The following RMDN2 variants were observed in gnomAD, a reference collection of about 807,000 sequenced individuals.
The protein encoded by RMDN2 is regulator of microtubule dynamics protein 2.
RMDN2 carries 61 observed loss-of-function variants against 52.8 expected under a neutral mutation model. The ratio of observed to expected loss-of-function variants is 1.16; its 90% CI spans 0.94 to 1.43. The LOEUF is 1.43. Among genes scored for constraint, RMDN2 ranks in the 40% most tolerant of loss-of-function variants. The probability of loss-of-function intolerance (pLI) is 0.00; values close to 1 mark genes in which losing one functional copy is unlikely to be tolerated. For missense variants in RMDN2, 592 were observed against 475.3 expected, an observed-to-expected ratio of 1.25 and a Z score of -2.28; for synonymous variants, 180 against 153.1, an observed-to-expected ratio of 1.18 and a Z score of -1.30.
intron 2 of RMDN2, among the ~76,000 whole-genome samples, chr2:37,934,017 G>A (rs182120790): frequency 6.6e-6 from 1 of 152,238 alleles, no homozygotes; most frequent in Non-Finnish European, 1.5e-5. Flanking sequence ...CATTTTTAAG[G>A]TGGGATGTGC....
chr2:38,058,813 T>C (rs1466096732), intron 10 of RMDN2, among the ~76,000 whole-genome samples: 1 of 152,178 alleles, frequency 6.6e-6, no homozygotes, highest in Non-Finnish European at 1.5e-5. Context: ...CCTCTGCCTA[T>C]GGGAAAAAGC....
chr2:38,060,061 CTATTTTATTTTATTTTATTT>C lies in RMDN2; in HGVS notation c.1714-6879_1714-6860del, dbSNP rs72343040. On this transcript the variant is annotated intron_variant, in intron 10 of 10. Coordinates refer to the RMDN2 transcript ENST00000234195. The stretch of plus-strand genomic sequence containing the variant: ...TACAGGTGTGTGCCACGACGCCCAG[CTATTTTATTTTATTTTATTT>C]TATTTTATTTTATTTTATTTTATTT... Among the ~76,000 whole-genome samples the C allele has an allele frequency of 8.8e-3, 1,126 of 128,662 alleles. 7 individuals are homozygous for C. Among genetic ancestry groups the C allele is most frequent in the East Asian group, 0.018 (80 of 4,466 alleles). The allele number at this position is 128,662 out of a possible 152,430, so 84.4% of individuals were successfully genotyped here. A position where few individuals can be genotyped will look rare whatever the true frequency, so the allele number is the denominator to read the frequency against.
At chr2:37,963,639 G>T (rs1290398427) in intron 2 of RMDN2, among the ~76,000 whole-genome samples, 2 of 152,196 alleles carry the variant, frequency 1.3e-5, no homozygotes, top group Non-Finnish European at 2.9e-5. Flanking sequence ...TGGGGGCAAG[G>T]TCATAGATCA....
At chr2:38,006,683 G>A (rs1294204666) in intron 10 of RMDN2, among the ~76,000 whole-genome samples, 2 of 152,114 alleles carry the variant, frequency 1.3e-5, no homozygotes, top group Non-Finnish European at 2.9e-5. Context: ...TTTCCTAATT[G>A]AATACCCTTT....
intron 10 of RMDN2, among the ~76,000 whole-genome samples, chr2:38,053,504 A>T (rs990426424): frequency 1.3e-5 from 2 of 152,206 alleles, no homozygotes; most frequent in Non-Finnish European, 2.9e-5. Context: ...TTATCCACAG[A>T]CACTTAAAAT....
upstream of RMDN2, among the ~76,000 whole-genome samples, chr2:37,924,422 G>C (rs926839035): frequency 1.3e-5 from 2 of 152,236 alleles, no homozygotes; most frequent in African/African-American, 4.8e-5. Context: ...CTGGAGTGCG[G>C]TGGCGCGATC....
chr2:37,929,452 C>T lies in RMDN2; in HGVS notation c.175C>T (p.His59Tyr), dbSNP rs1482156502. The T allele has an allele frequency of 1.9e-6, 3 of 1,551,630 alleles. No homozygotes were observed. The East Asian group carries it at 7.3e-5, about 38-fold the overall frequency. Residue 59 changes from histidine (H) to tyrosine (Y), a missense_variant, in exon 2 of 11, where the codon CAT (histidine) becomes TAT (tyrosine). Transcript: ENST00000354545. ...FNSITLQDEI[H>Y]DDQGTTVIFQ... ...TTCAATAACTTTGCAAGATGAAATA[C>T]ATGATGACCAAGGAACAACAGTAAT...
chr2:37,926,692 C>T (rs934513279), intron 1 of RMDN2, among the ~76,000 whole-genome samples: 2 of 152,222 alleles, frequency 1.3e-5, no homozygotes, highest in African/African-American at 2.4e-5. Context: ...CTTATCCCAG[C>T]ACTTTGAGAG....
In RMDN2 at chr2:38,014,010, C is replaced by A. The variant is rs562915694; in HGVS notation, c.1180-3176C>A. On this transcript the variant is annotated intron_variant, in intron 10 of 10. Transcript: ENST00000354545. ...TCACCTGAGGTCGGGAGTTCGAGACCAGCCTGAGCAACATGGAGAAACCCC... is the reference window on the plus strand; with the variant it reads ...TCACCTGAGGTCGGGAGTTCGAGACAAGCCTGAGCAACATGGAGAAACCCC... Among the ~76,000 whole-genome samples the A allele has an allele frequency of 2.5e-3, 374 of 152,090 alleles. 3 individuals carry two copies. Among genetic ancestry groups the A allele is most frequent in the South Asian group, 1.9e-3 (9 of 4,814 alleles).
At chr2:37,960,316 C>T (rs767921312) in intron 2 of RMDN2, among the ~76,000 whole-genome samples, 15 of 145,446 alleles carry the variant, frequency 1.0e-4, no homozygotes, top group African/African-American at 4.0e-4. Flanking sequence ...CTTTATGAAT[C>T]TGGGTGCTCC....
At chr2:38,038,884 G>A (rs556442320) in intron 10 of RMDN2, among the ~76,000 whole-genome samples, 158 of 152,088 alleles carry the variant, frequency 1.0e-3, no homozygotes, top group Non-Finnish European at 1.7e-3. Flanking sequence ...GATAGGTTTC[G>A]CCCCTTTCAG....
intron 10 of RMDN2, among the ~76,000 whole-genome samples, chr2:38,004,946 G>A (rs1205705406): frequency 6.6e-6 from 1 of 151,926 alleles, no homozygotes; most frequent in Non-Finnish European, 1.5e-5. Flanking sequence ...ACAACATGTG[G>A]TGTTTGGTTT....
intron 2 of RMDN2, among the ~76,000 whole-genome samples, chr2:37,962,459 A>C (rs1338763508): frequency 6.6e-6 from 1 of 152,218 alleles, no homozygotes; most frequent in Non-Finnish European, 1.5e-5. Flanking sequence ...GGCTCCACCC[A>C]GTCCGAACTT....
chr2:37,952,150 T>G (rs1229676654), intron 2 of RMDN2: 1 of 1,613,346 alleles, frequency 6.2e-7, no homozygotes, highest in South Asian at 1.1e-5. Flanking sequence ...GACTTTGCTG[T>G]CTTGTTTCAA....
chr2:37,990,932 GT>G (rs977884987), intron 6 of RMDN2, among the ~76,000 whole-genome samples: 4 of 152,118 alleles, frequency 2.6e-5, no homozygotes, highest in Non-Finnish European at 5.9e-5. Context: ...CACTAGTCAA[GT>G]CATGGGTAGG....
At chr2:38,055,801 C>T (rs1187338515) in intron 10 of RMDN2, among the ~76,000 whole-genome samples, 3 of 152,148 alleles carry the variant, frequency 2.0e-5, no homozygotes, top group South Asian at 4.1e-4. Flanking sequence ...AGATTGCATG[C>T]CCCTGTCTAT....
rs559565778 is a variant in RMDN2 at position 38,013,464 on chromosome 2, T to A, written c.1180-3722T>A. On this transcript the variant is annotated intron_variant, in intron 10 of 10. Transcript: ENST00000354545. ...CACAAAAAGAAGTGTACTCTGGGAG[T>A]GCTAAAAGTTAAGAGCACGTTATAT... Among the ~76,000 whole-genome samples the A allele has an allele frequency of 3.9e-5, 6 of 152,206 alleles. No homozygotes were observed. The South Asian group carries it at 1.2e-3, about 32-fold the overall frequency.
intron 10 of RMDN2, chr2:38,036,875 A>G (rs1189065143): frequency 6.6e-6 from 1 of 152,232 alleles, no homozygotes; most frequent in African/African-American, 2.4e-5. Context: ...CTAGGCAAAA[A>G]TCCATGGTGC....
intron 10 of RMDN2, among the ~76,000 whole-genome samples, chr2:38,063,942 A>G (rs1682160225): frequency 6.8e-6 from 1 of 146,972 alleles, no homozygotes; most frequent in African/African-American, 2.5e-5. Flanking sequence ...TTAAAAATAT[A>G]TTCCATCACA....
Sources: allele counts gnomAD v4.1 joint callset (sites outside exome capture counted in the v4.1 genomes callset), GRCh38; gene constraint gnomAD v4.1.1; transcripts MANE v1.5; gene names NCBI Gene and HGNC (gene_info 2026-07-23, HGNC 2026-07-21).